Variants in DNAH17 observed in about 807,000 individuals in gnomAD.
The protein encoded by DNAH17 is axonemal beta dynein heavy chain 17.
In DNAH17, 376 loss-of-function variants were observed where a neutral mutation model predicts 485.6. That is an observed-to-expected ratio of 0.77 (90% confidence interval 0.71 to 0.84). The LOEUF (loss-of-function observed/expected upper bound fraction) is 0.84. DNAH17 is among the 40% of genes least tolerant of loss of function. The pLI is 0.00. For synonymous variants in DNAH17, 3,031 were observed against 2,405.9 expected (o/e 1.26, Z -7.60); for missense variants, 6,370 against 5,839.3 (o/e 1.09, Z -2.96).
At chr17:78,472,159 T>C (rs2088781623) in intron 54 of DNAH17, among the ~76,000 whole-genome samples, 1 of 152,152 alleles carries the variant, frequency 6.6e-6, no homozygotes, top group Non-Finnish European at 1.5e-5. Flanking sequence ...TTCCTTGCCA[T>C]AGCCAATGCC....
Position 78,503,691 on chromosome 17 carries a change from C to T in DNAH17, c.4957-680G>A, listed in dbSNP as rs532100234. The stretch of plus-strand genomic sequence containing the variant: ...CTAAAAAATGTGGCTGGGGTCCAGG[C>T]GCAGTGGCTCATGTCTGTAATCCCA... On this transcript the variant is annotated intron_variant, in intron 31 of 80. Coordinates refer to ENST00000389840, the MANE Select transcript of DNAH17 (RefSeq NM_173628.4). Among the ~76,000 whole-genome samples, 15 of 151,912 alleles carry T rather than the reference C, an allele frequency of 9.9e-5. No individual in the cohort carries two copies. In the East Asian group the frequency reaches 1.2e-3, roughly 12 times the overall value.
At chr17:78,569,899 T>A (rs1568271216) in intron 7 of DNAH17, among the ~76,000 whole-genome samples, 1 of 152,012 alleles carries the variant, frequency 6.6e-6, no homozygotes, top group East Asian at 1.9e-4. Context: ...TGCTTATGAA[T>A]GGGAAGAAGG....
intron 14 of DNAH17, among the ~76,000 whole-genome samples, chr17:78,553,283 G>GGT (rs2091944708): frequency 0.032 from 1,619 of 50,972 alleles, 187 homozygotes; most frequent in East Asian, 0.049. Context: ...AGGTTTTTGT[G>GGT]TTTTTTTTTT....
At chr17:78,484,748 ACC>A in intron 48 of DNAH17, 118 bp downstream of exon 48, 9 of 138,450 alleles carry the variant, frequency 6.5e-5, no homozygotes, top group East Asian at 1.5e-4. Flanking sequence ...CACCCCCCCC[ACC>A]GCCCCACACC....
At chr17:78,531,814 C>T (rs1488608729) in intron 20 of DNAH17, among the ~76,000 whole-genome samples, 1 of 152,218 alleles carries the variant, frequency 6.6e-6, no homozygotes, top group African/African-American at 2.4e-5. Flanking sequence ...CAATCTATAT[C>T]TTTTAAGTGG....
At chr17:78,485,821 T>A in intron 46 of DNAH17, 64 bp from the exon 47 acceptor site, 1 of 1,587,208 alleles carries the variant, frequency 6.3e-7, no homozygotes. Flanking sequence ...CTCGTGGGTG[T>A]GCAGGCCATG....
intron 15 of DNAH17, among the ~76,000 whole-genome samples, chr17:78,552,085 G>A (rs1339425326): frequency 6.6e-6 from 1 of 152,212 alleles, no homozygotes; most frequent in South Asian, 2.1e-4. Flanking sequence ...AGAAGAAATC[G>A]CTGGGCGTTC....
rs61741432 is a variant in DNAH17 at position 78,537,374 on chromosome 17, G to T, written c.2784C>A (p.Ile928=). 9.1e-5 allele frequency: 147 copies of T among 1,611,958 alleles called. 1 individual carries two copies. The South Asian group carries it at 1.5e-3, about 17-fold the overall frequency. Residue 928 remains isoleucine (I), a synonymous_variant, in exon 19 of 81, where the codon ATC becomes ATA. Coordinates refer to ENST00000389840, the MANE Select transcript of DNAH17 (RefSeq NM_173628.4). ...TGTAGATGTCGTTGACCAGGCCCTC[G>T]ATCAGTGCCAGGAAGCCGCGATCTG... ...VGSDRGFLAL[I]EGLVNDIYNV... is the part of the protein sequence containing the mutation.
At chr17:78,531,107 C>T (rs1225907810) in intron 20 of DNAH17, among the ~76,000 whole-genome samples, 1 of 152,180 alleles carries the variant, frequency 6.6e-6, no homozygotes, top group Non-Finnish European at 1.5e-5. Context: ...TGCTGATTTT[C>T]TGTCTAGATG....
intron 59 of DNAH17, 39 bp downstream of exon 59, chr17:78,460,123 A>G (rs771392810): frequency 6.3e-7 from 1 of 1,581,154 alleles, no homozygotes; most frequent in Non-Finnish European, 8.6e-7. Context: ...TTCCTCTCCA[A>G]CCAGGCCAGG....
intron 59 of DNAH17, 67 bp from the exon 60 acceptor site, chr17:78,460,068 A>C: frequency 6.3e-7 from 1 of 1,593,336 alleles, no homozygotes; most frequent in Non-Finnish European, 8.6e-7. Context: ...GCCCCGAAGA[A>C]GCCGCCATGA....
At chr17:78,473,153 C>A (rs574568118) in intron 54 of DNAH17, among the ~76,000 whole-genome samples, 12 of 152,204 alleles carry the variant, frequency 7.9e-5, no homozygotes, top group Admixed American at 2.6e-4. Flanking sequence ...ATAATCATGT[C>A]GAATGGCTCA....
intron 40 of DNAH17, 73 bp from the exon 41 acceptor site, chr17:78,494,246 G>GC (rs928038919): frequency 2.6e-5 from 41 of 1,556,378 alleles, no homozygotes; most frequent in Non-Finnish European, 3.5e-5. Flanking sequence ...AGGCTGGGGG[G>GC]CTTCCTGCCC....
In DNAH17 at chr17:78,506,714, G is replaced by A. The variant is rs748568478; in HGVS notation, c.4803+6C>T. The stretch of plus-strand genomic sequence containing the variant: ...TAAACACCGGAATGCAAGGGGCCCC[G>A]CCTACCTCCACGGGGTCATTGCCAT... On this transcript the variant is annotated splice_donor_region_variant and intron_variant, in intron 30 of 80. Coordinates refer to ENST00000389840, the MANE Select transcript of DNAH17 (RefSeq NM_173628.4). 9.3e-6 allele frequency: 15 copies of A among 1,613,702 alleles called. No individual in the cohort carries two copies. Among genetic ancestry groups the A allele is most frequent in the South Asian group, 5.5e-5 (5 of 91,078 alleles).
rs1157464118 is a variant in DNAH17, at chr17:78,446,173, CAA to C, written c.11212-495_11212-494del. Reference sequence around the variant, plus strand: ...TGGGCAACAGAGTGAGACTCTGTCTCAAAAAAAAAAAAAAAAAAAAAAAAATT... The same window carrying C: ...TGGGCAACAGAGTGAGACTCTGTCTCAAAAAAAAAAAAAAAAAAAAAAATT... On this transcript the variant is annotated intron_variant, in intron 69 of 80. Transcript: ENST00000389840. Among the ~76,000 whole-genome samples, 546 of 57,320 alleles carry C rather than the reference CAA, an allele frequency of 9.5e-3. 2 individuals carry two copies. The highest frequency in any genetic ancestry group is 0.038 in the African/African-American group (491 of 12,894). The allele number at this position is 57,320 out of a possible 152,430, so 37.6% of individuals were successfully genotyped here. A position where few individuals can be genotyped will look rare whatever the true frequency, so the allele number is the denominator to read the frequency against.
At chr17:78,432,618 C>CA (rs1160298091) in intron 75 of DNAH17, among the ~76,000 whole-genome samples, 1 of 152,228 alleles carries the variant, frequency 6.6e-6, no homozygotes, top group Non-Finnish European at 1.5e-5. Flanking sequence ...CACAGCCTCC[C>CA]AGGCCAGGTG....
At chr17:78,462,424 G>A (rs1598491568) in intron 57 of DNAH17, among the ~76,000 whole-genome samples, 1 of 152,262 alleles carries the variant, frequency 6.6e-6, no homozygotes, top group South Asian at 2.1e-4. Flanking sequence ...CGATGGAGGA[G>A]GTCTGAAGCA....
intron 6 of DNAH17, 87 bp downstream of exon 6, chr17:78,570,861 A>G (rs2092343160): frequency 5.0e-6 from 3 of 602,284 alleles, no homozygotes; most frequent in Non-Finnish European, 2.4e-6. Context: ...CCTCTCAAAA[A>G]AAAAAAAAAA....
At chr17:78,460,321 C>CATGTGT (rs148454093) in intron 58 of DNAH17, 64 bp from the exon 59 acceptor site, 24 of 872,438 alleles carry the variant, frequency 2.8e-5, no homozygotes, top group African/African-American at 1.3e-4. Flanking sequence ...GGGGCGTGTA[C>CATGTGT]GTGCATGTGT....
Sources: allele counts gnomAD v4.1 joint callset (sites outside exome capture counted in the v4.1 genomes callset), GRCh38; gene constraint gnomAD v4.1.1; transcripts MANE v1.5; gene names NCBI Gene and HGNC (gene_info 2026-07-23, HGNC 2026-07-21).